CNTROB: variants seen among roughly 807,000 people sequenced by gnomAD.
CNTROB encodes the protein centrobin, centriole duplication and spindle assembly protein.
In CNTROB, 82 loss-of-function variants were observed where a neutral mutation model predicts 115.7. That is an observed-to-expected ratio of 0.71 (90% CI 0.59 to 0.85). The LOEUF is 0.85. Ranked by LOEUF, CNTROB falls within the 40% of genes least tolerant of loss-of-function variation. CNTROB has a pLI of 0.00. For missense variants in CNTROB, 1,014 were observed against 1,144.4 expected (o/e 0.89, Z 1.64); for synonymous variants, 439 against 456.4 (o/e 0.96, Z 0.49).
At chr17:7,940,425 C>A (rs769171099) in intron 9 of CNTROB, among the ~76,000 whole-genome samples, 183 bp downstream of exon 9, 1 of 152,158 alleles carries the variant, frequency 6.6e-6, no homozygotes, top group Non-Finnish European at 1.5e-5. Flanking sequence ...TACTGAGTGA[C>A]CATTTCCCAC....
rs1472656085 is a variant in CNTROB, at chr17:7,939,962, G to T, written c.1165-134G>T. 3.4e-6 allele frequency: 4 copies of T among 1,180,036 alleles called. No homozygotes were observed. Among genetic ancestry groups the T allele is most frequent in the Non-Finnish European group, 4.8e-6 (4 of 840,346 alleles). 73.1% of individuals were successfully genotyped at this position (1,180,036 alleles called of 1,614,324 possible). On this transcript the variant is annotated intron_variant, in intron 8 of 18. Coordinates refer to ENST00000563694, the MANE Select transcript of CNTROB (RefSeq NM_053051.5). The surrounding 1 kb of genome is among the most constrained non-coding windows in gnomAD (Gnocchi z 4.4). ...AGGCCAAAGACTGAAATTCAACAGGGATGGGGAAATAAAACAAATGGGAGG... is the reference window on the plus strand; with the variant it reads ...AGGCCAAAGACTGAAATTCAACAGGTATGGGGAAATAAAACAAATGGGAGG...
Position 7,948,638 on chromosome 17 carries a change from G to T in CNTROB, c.2513+19G>T. The T allele has an allele frequency of 6.2e-7, 1 of 1,614,192 alleles. No homozygotes were observed. Among genetic ancestry groups the T allele is most frequent in the Non-Finnish European group, 8.5e-7 (1 of 1,180,038 alleles). On this transcript the variant is annotated intron_variant, in intron 17 of 18. Transcript: ENST00000563694. This position sits in a 1 kb window ranked among gnomAD's most constrained non-coding sequence, Gnocchi z 4.4. The stretch of plus-strand genomic sequence containing the variant: ...ACAGCGGGTACAAGCCTGGGAGGAA[G>T]GAGGAAGGATTCTCCGGGTGGAAGC...
chr17:7,942,978 T>G (rs973764920), intron 9 of CNTROB, among the ~76,000 whole-genome samples: 1 of 150,836 alleles, frequency 6.6e-6, no homozygotes, highest in East Asian at 2.0e-4. Context: ...ATTTTTTGTA[T>G]TTTTAGTAGA....
At position 7,935,118 on chromosome 17, in the gene CNTROB, A is replaced by C. The variant is rs369919843; in HGVS notation, c.567A>C (p.Ala189=). The C allele has an allele frequency of 3.1e-6, 5 of 1,613,942 alleles. No homozygotes were observed. Among genetic ancestry groups the C allele is most frequent in the East Asian group, 4.5e-5 (2 of 44,886 alleles). The part of the protein sequence containing the change: ...NPPDFQGLRD[A]LDSEHTRRKH... ...CAGATTTTCAGGGGCTGAGAGATGCATTGGATTCAGAGCATACCCGCCGCA... is the reference window on the plus strand; with the variant it reads ...CAGATTTTCAGGGGCTGAGAGATGCCTTGGATTCAGAGCATACCCGCCGCA... The change falls in exon 4 of 19, where the codon GCA becomes GCC. Residue 189 remains alanine (A), a synonymous_variant. Transcript: ENST00000563694.
intron 17 of CNTROB, 78 bp from the exon 18 acceptor site, chr17:7,949,007 G>A (rs554424309): frequency 6.2e-7 from 1 of 1,610,872 alleles, no homozygotes; most frequent in African/African-American, 1.3e-5. Flanking sequence ...ATAGAATTGG[G>A]GAGTAGTTCT....
rs565212370 is a variant in CNTROB at position 7,943,818 on chromosome 17, C to T, written c.1445+294C>T. Among the ~76,000 whole-genome samples, 1 of 152,202 alleles carries T rather than the reference C, an allele frequency of 6.6e-6. No individual in the cohort carries two copies. The highest frequency in any genetic ancestry group is 1.9e-4 in the East Asian group (1 of 5,204). On this transcript the variant is annotated intron_variant, in intron 10 of 18. Coordinates refer to ENST00000563694, the MANE Select transcript of CNTROB (RefSeq NM_053051.5). The surrounding 1 kb of genome is among the most constrained non-coding windows in gnomAD (Gnocchi z 4.7). ...TCACTGGGACAGTGCTGAGGTATGA[C>T]CTGTGCTGTCTCCAGAGCTGCTCTG...
At chr17:7,940,351 T>A in intron 9 of CNTROB, 109 bp downstream of exon 9, 1 of 1,034,824 alleles carries the variant, frequency 9.7e-7, no homozygotes, top group Non-Finnish European at 1.4e-6. Context: ...GTTTGGGGTT[T>A]AATTCCATTA....
rs753451693 is a variant in CNTROB, at chr17:7,939,477, C to T, written c.928-36C>T. ...GGGCAGATCGCTGGTCTCTGAAGAG[C>T]CTACTAAGGAGCTTGGTTTTCTTCT... On this transcript the variant is annotated intron_variant, in intron 7 of 18. Transcript: ENST00000563694. This position sits in a 1 kb window ranked among gnomAD's most constrained non-coding sequence, Gnocchi z 4.4. 2.6e-6 allele frequency: 4 copies of T among 1,568,270 alleles called. No individual in the cohort carries two copies. Among genetic ancestry groups the T allele is most frequent in the East Asian group, 4.5e-5 (2 of 44,610 alleles).
At chr17:7,940,937 G>C (rs980017888) in intron 9 of CNTROB, among the ~76,000 whole-genome samples, 1 of 152,188 alleles carries the variant, frequency 6.6e-6, no homozygotes, top group Non-Finnish European at 1.5e-5. Flanking sequence ...TTATACCACA[G>C]AAGTAGCTAT....
In CNTROB at chr17:7,936,446, C is replaced by A. The variant is rs776006146; in HGVS notation, c.675C>A (p.Asp225Glu). ...QQQLAVAVAADRKKDTMIEQL... is the reference protein window; with the variant it reads ...QQQLAVAVAAERKKDTMIEQL... Reference sequence around the variant, plus strand: ...AATTAGCCGTGGCTGTGGCTGCCGACCGCAAGAAAGATACCATGATTGAAC... The same window carrying A: ...AATTAGCCGTGGCTGTGGCTGCCGAACGCAAGAAAGATACCATGATTGAAC... Residue 225 changes from aspartate to glutamate, a missense_variant, in exon 5 of 19, where the codon GAC (aspartate) becomes GAA (glutamate). Physicochemically the swap from Asp to Glu is conservative, Grantham distance 45. Coordinates refer to ENST00000563694, the MANE Select transcript of CNTROB (RefSeq NM_053051.5). 1.3e-6 allele frequency: 2 copies of A among 1,545,482 alleles called. No individual in the cohort carries two copies. The highest frequency in any genetic ancestry group is 2.2e-5 in the East Asian group (1 of 44,570).
In CNTROB at chr17:7,948,095, G is replaced by A. The variant is rs566410781; in HGVS notation, c.2210-62G>A. 5 of 1,602,884 alleles carry A rather than the reference G, an allele frequency of 3.1e-6. 1 individual carries two copies. The African/African-American group carries it at 6.7e-5, about 21-fold the overall frequency. On this transcript the variant is annotated intron_variant, in intron 15 of 18. Transcript: ENST00000563694. The surrounding 1 kb of genome is among the most constrained non-coding windows in gnomAD (Gnocchi z 4.4). The stretch of plus-strand genomic sequence containing the variant: ...TAATAAAGCCTTATAAATGCTGGGT[G>A]GTGGGACTTCCTTGGTTCTATGCCC...
rs757139029 is a variant in CNTROB at position 7,949,497 on chromosome 17, G to A, written c.2699G>A (p.Gly900Glu). 8.7e-6 allele frequency: 14 copies of A among 1,612,694 alleles called. No homozygotes were observed. The highest frequency in any genetic ancestry group is 1.7e-5 in the Admixed American group (1 of 59,644). Residue 900 changes from glycine (G) to glutamate (E), a missense_variant, in exon 19 of 19, where the codon GGA becomes GAA. By Grantham distance (98) the Gly-to-Glu change is moderately conservative. Coordinates refer to ENST00000563694, the MANE Select transcript of CNTROB (RefSeq NM_053051.5). ...PAPSSMRSRG[G>E]VWR is the part of the protein sequence containing the mutation. ...CCGAGTAGCATGAGGAGCCGGGGGG[G>A]AGTCTGGAGATGAGCCCCCCTACCC...
intron 9 of CNTROB, among the ~76,000 whole-genome samples, chr17:7,941,435 A>T (rs1973854598): frequency 6.6e-6 from 1 of 151,296 alleles, no homozygotes; most frequent in South Asian, 2.1e-4. Flanking sequence ...CCCTGTCTCT[A>T]CTAAAAATAC....
chr17:7,934,277 G>A (rs370537845), intron 2 of CNTROB, 55 bp downstream of exon 2: 1 of 1,529,266 alleles, frequency 6.5e-7, no homozygotes, highest in East Asian at 2.2e-5. Flanking sequence ...TAAGGGGTGG[G>A]AGAAAGTGGA....
intron 5 of CNTROB, 78 bp downstream of exon 5, chr17:7,936,560 A>G (rs1478011856): frequency 3.7e-6 from 3 of 803,170 alleles, no homozygotes; most frequent in African/African-American, 3.4e-5. Flanking sequence ...TGGCCAACCA[A>G]TGTTTCTTGG....
Position 7,947,589 on chromosome 17 carries a change from T to C in CNTROB, c.2012T>C (p.Leu671Pro), listed in dbSNP as rs2151780752. The change falls in exon 14 of 19, where the codon CTT (leucine) becomes CCT (proline). Residue 671 changes from leucine (L) to proline (P), a missense_variant. Transcript: ENST00000563694. ...TTTATAGCTGGGGCCTTCTCTGCAC[T>C]TGGGGCCTTCCATCCCGATCATAGG... ...TSSTAGAFSALGAFHPDHRAE... is the reference protein window; with the variant it reads ...TSSTAGAFSAPGAFHPDHRAE... 2 of 1,610,128 alleles carry C rather than the reference T, an allele frequency of 1.2e-6. No homozygotes were observed. Among genetic ancestry groups the C allele is most frequent in the Non-Finnish European group, 8.5e-7 (1 of 1,177,056 alleles).
chr17:7,947,813 T>C, intron 14 of CNTROB, 91 bp downstream of exon 14: 1 of 1,607,558 alleles, frequency 6.2e-7, no homozygotes, highest in Non-Finnish European at 8.5e-7. Flanking sequence ...CTGGCCTCAT[T>C]CCCTGTTTAT....
Position 7,945,554 on chromosome 17 carries a change from G to A in CNTROB, c.1735-174G>A, listed in dbSNP as rs568284783. 143 of 654,786 alleles carry A rather than the reference G, an allele frequency of 2.2e-4. No individual in the cohort carries two copies. The Middle Eastern group carries it at 3.4e-3, about 16-fold the overall frequency. The allele number at this position is 654,786 out of a possible 1,614,324, so 40.6% of individuals were successfully genotyped here. On this transcript the variant is annotated intron_variant, in intron 12 of 18. Transcript: ENST00000563694. ...TTTTGTAGAGATGGCATCTCTCTAT[G>A]TTGCCAAGCCTGGTTCAAACTGCCA...
Position 7,944,151 on chromosome 17 carries a change from C to T in CNTROB, c.1474C>T (p.His492Tyr), listed in dbSNP as rs761965478. ...GCAGCTGCAGGACCTGAGTGGACAG[C>T]ACCAGCAGGAGCTGGCCAGTCAGCT... is the stretch of plus-strand genomic sequence containing the variant. ...RKQLQDLSGQ[H>Y]QQELASQLAQ... The change falls in exon 11 of 19, where the codon CAC (histidine) becomes TAC (tyrosine). Residue 492 changes from histidine (H) to tyrosine (Y), a missense_variant. Physicochemically the swap from His to Tyr is moderately conservative, Grantham distance 83. Transcript: ENST00000563694. The surrounding 1 kb of genome is among the most constrained non-coding windows in gnomAD (Gnocchi z 4.0). 199 of 1,608,798 alleles carry T rather than the reference C, an allele frequency of 1.2e-4. No individual in the cohort carries two copies. Among genetic ancestry groups the T allele is most frequent in the Non-Finnish European group, 1.7e-4 (194 of 1,175,214 alleles).
Sources: gnomAD v4.1 joint callset for allele counts (sites outside exome capture counted in the v4.1 genomes callset) on GRCh38, gnomAD v4.1.1 for gene constraint, Gnocchi (gnomAD v3.1) non-coding constraint, MANE v1.5 for transcripts, NCBI Gene and HGNC (gene_info 2026-07-23, HGNC 2026-07-21) for gene names.